The following EXOC6B variants were observed in gnomAD, a reference collection of about 807,000 sequenced individuals.
The protein encoded by EXOC6B is exocyst complex component 6B, also known as SEC15 homolog B.
Under a neutral mutation model 113.5 loss-of-function variants are expected in EXOC6B, and 54 were observed. The ratio of observed to expected loss-of-function variants is 0.48; its 90% CI spans 0.38 to 0.60. The LOEUF (loss-of-function observed/expected upper bound fraction) is 0.60, where lower values mean the gene tolerates loss of function less well. Among genes scored for constraint, EXOC6B ranks in the 20% least tolerant of loss-of-function variants. EXOC6B has a pLI of 0.00. For missense variants in EXOC6B, 797 were observed against 977.5 expected (o/e 0.82, Z 2.46); for synonymous variants, 357 against 339.0 (o/e 1.05, Z -0.58).
intron 19 of EXOC6B, among the ~76,000 whole-genome samples, chr2:72,373,781 G>T (rs1010330417): frequency 1.3e-5 from 2 of 152,192 alleles, no homozygotes; most frequent in Non-Finnish European, 2.9e-5. Flanking sequence ...TGGAAAGGAT[G>T]TGGAGAAAAG....
In EXOC6B at chr2:72,731,185, T is replaced by C. The variant is rs1427274179; in HGVS notation, c.388A>G (p.Thr130Ala). Residue 130 changes from threonine to alanine, a missense_variant, in exon 4 of 22, where the codon ACT becomes GCT. By Grantham distance (58) the Thr-to-Ala change is moderately conservative. Transcript: ENST00000272427. ...AGACACAGCATTAATTTATCAACAG[T>C]GGCAGAAATATTTCTCTGTTGTAGT... ...CRLQQRNISA[T>A]VDKLMLCLPV... The C allele has an allele frequency of 1.2e-6, 2 of 1,613,156 alleles. No individual in the cohort carries two copies. Among genetic ancestry groups the C allele is most frequent in the East Asian group, 4.5e-5 (2 of 44,868 alleles).
intron 20 of EXOC6B, among the ~76,000 whole-genome samples, chr2:72,240,249 T>C (rs1682229305): frequency 6.6e-6 from 1 of 152,352 alleles, no homozygotes; most frequent in African/African-American, 2.4e-5. Context: ...ATCCCTGTCT[T>C]GTTCCAGGTC....
chr2:72,685,821 A>T (rs1677049531), intron 6 of EXOC6B, among the ~76,000 whole-genome samples: 1 of 152,236 alleles, frequency 6.6e-6, no homozygotes, highest in Admixed American at 6.5e-5. Context: ...TCCATGCAGG[A>T]CATGTTTTGC....
intron 6 of EXOC6B, among the ~76,000 whole-genome samples, chr2:72,701,535 T>G (rs1678346138): frequency 6.6e-6 from 1 of 152,056 alleles, no homozygotes; most frequent in African/African-American, 2.4e-5. Context: ...TAAATGCATA[T>G]GTCAAAAAAG....
intron 6 of EXOC6B, among the ~76,000 whole-genome samples, chr2:72,663,657 T>C (rs1573580037): frequency 6.6e-6 from 1 of 151,760 alleles, no homozygotes; most frequent in Admixed American, 6.6e-5. Flanking sequence ...GGCAAAATTA[T>C]GGAGATAGTA....
intron 8 of EXOC6B, among the ~76,000 whole-genome samples, chr2:72,554,449 C>T (rs544921904): frequency 2.0e-5 from 3 of 152,300 alleles, no homozygotes; most frequent in South Asian, 2.1e-4. Flanking sequence ...GGGCAGTTTC[C>T]CCCATGCTGT....
At chr2:72,228,919 C>T (rs1490307215) in intron 20 of EXOC6B, among the ~76,000 whole-genome samples, 1 of 152,186 alleles carries the variant, frequency 6.6e-6, no homozygotes, top group Non-Finnish European at 1.5e-5. Flanking sequence ...ACATCCTCTC[C>T]AGCACCTGTT....
chr2:72,653,945 T>A (rs974549425), intron 6 of EXOC6B, among the ~76,000 whole-genome samples: 1 of 150,798 alleles, frequency 6.6e-6, no homozygotes, highest in African/African-American at 2.4e-5. Context: ...TAATGTATTA[T>A]GGTACAATGT....
chr2:72,725,714 G>A (rs1573696192), intron 5 of EXOC6B, among the ~76,000 whole-genome samples: 2 of 152,278 alleles, frequency 1.3e-5, no homozygotes, highest in Non-Finnish European at 2.9e-5. Flanking sequence ...AATAAGTATT[G>A]GCTAGGCTAT....
chr2:72,210,535 T>C (rs1310059510), intron 20 of EXOC6B, among the ~76,000 whole-genome samples: 1 of 152,158 alleles, frequency 6.6e-6, no homozygotes, highest in East Asian at 1.9e-4. Flanking sequence ...CTGCCCCCTC[T>C]CCTGACCTGC....
intron 1 of EXOC6B, among the ~76,000 whole-genome samples, chr2:72,759,201 G>A (rs1324119275): frequency 6.6e-6 from 1 of 152,204 alleles, no homozygotes; most frequent in East Asian, 1.9e-4. Flanking sequence ...TACAGTTGCT[G>A]TGTGAAGATT....
chr2:72,810,808 C>T (rs934163654), intron 1 of EXOC6B, among the ~76,000 whole-genome samples: 1 of 152,116 alleles, frequency 6.6e-6, no homozygotes, highest in Non-Finnish European at 1.5e-5. Flanking sequence ...CATAGTAGCA[C>T]TTTGGAAGGC....
chr2:72,551,391 T>C (rs982746963), intron 8 of EXOC6B, among the ~76,000 whole-genome samples: 1 of 151,656 alleles, frequency 6.6e-6, no homozygotes, highest in East Asian at 1.9e-4. Flanking sequence ...AGAGACAGGG[T>C]TTCACCATGT....
intron 5 of EXOC6B, among the ~76,000 whole-genome samples, chr2:72,727,023 T>A (rs1680341588): frequency 6.6e-6 from 1 of 152,106 alleles, no homozygotes; most frequent in Non-Finnish European, 1.5e-5. Context: ...ACCATGCCAT[T>A]TTATATAAGG....
chr2:72,512,343 G>A (rs1573295150), intron 11 of EXOC6B, among the ~76,000 whole-genome samples: 1 of 9,290 alleles, frequency 1.1e-4, no homozygotes, highest in African/African-American at 2.4e-4. Context: ...AAGGAAGGAA[G>A]GAAGGAAGGA....
At position 72,575,652 on chromosome 2, in the gene EXOC6B, T is replaced by C; in HGVS notation, c.686A>G (p.Asn229Ser). 6.3e-7 allele frequency: 1 copy of C among 1,599,546 alleles called. No homozygotes were observed. Among genetic ancestry groups the C allele is most frequent in the Non-Finnish European group, 8.5e-7 (1 of 1,174,312 alleles). Residue 229 changes from asparagine (N) to serine (S), a missense_variant, in exon 7 of 22, where the codon AAC (asparagine) becomes AGC (serine). Physicochemically the swap from Asn to Ser is conservative, Grantham distance 46 (BLOSUM62 1). Transcript: ENST00000272427. Reference protein sequence around the residue: ...TAMKQAQQQRNLDNIVLQQPR... With the variant: ...TAMKQAQQQRSLDNIVLQQPR... Reference sequence around the variant, plus strand: ...TTGTTGCAAGACGATGTTATCCAGGTTTCTTTGCTGCTGGGCCTAGGATAG... The same window carrying C: ...TTGTTGCAAGACGATGTTATCCAGGCTTCTTTGCTGCTGGGCCTAGGATAG...
At chr2:72,295,943 G>A (rs1411099512) in intron 20 of EXOC6B, among the ~76,000 whole-genome samples, 1 of 151,972 alleles carries the variant, frequency 6.6e-6, no homozygotes, top group Non-Finnish European at 1.5e-5. Flanking sequence ...TGTAAGGAGC[G>A]TTTCCAGTAA....
At chr2:72,334,904 A>T in intron 20 of EXOC6B, 43 bp downstream of exon 20, 2 of 1,582,250 alleles carry the variant, frequency 1.3e-6, no homozygotes, top group Admixed American at 3.3e-5. Flanking sequence ...CTTCAGTCAC[A>T]CATCTTAAAA....
At chr2:72,672,765 G>A (rs751984440) in intron 6 of EXOC6B, among the ~76,000 whole-genome samples, 1 of 152,134 alleles carries the variant, frequency 6.6e-6, no homozygotes, top group Non-Finnish European at 1.5e-5. Flanking sequence ...TGGGTCTCAT[G>A]AGGATGGAGA....
Sources: allele counts gnomAD v4.1 joint callset (sites outside exome capture counted in the v4.1 genomes callset), GRCh38; gene constraint gnomAD v4.1.1; transcripts MANE v1.5; gene names NCBI Gene and HGNC (gene_info 2026-07-23, HGNC 2026-07-21).